TBC1D22A: variants seen among roughly 807,000 people sequenced by gnomAD.
The protein encoded by TBC1D22A is putative GTPase activator.
TBC1D22A carries 38 observed loss-of-function variants against 60.2 expected under a neutral mutation model. The observed-to-expected ratio is 0.63, with a 90% CI of 0.49 to 0.83. TBC1D22A has a LOEUF of 0.83. Among genes scored for constraint, TBC1D22A ranks in the 40% least tolerant of loss-of-function variants. The pLI, the probability that TBC1D22A is intolerant of heterozygous loss-of-function variation, is 0.00. For synonymous variants in TBC1D22A, 302 were observed against 281.7 expected, an observed-to-expected ratio of 1.07 and a Z score of -0.72; for missense variants, 628 against 701.0, an observed-to-expected ratio of 0.90 and a Z score of 1.18.
In TBC1D22A at chr22:46,893,613, C is replaced by T. The variant is rs115565359; in HGVS notation, c.838-1171C>T. On this transcript the variant is annotated intron_variant, in intron 6 of 12. Transcript: ENST00000337137. Reference sequence around the variant, plus strand: ...TGCTGGGGACAGATGTGTGTCCACACGAGTGTAACTGTATGGGAGAGCAAT... The same window carrying T: ...TGCTGGGGACAGATGTGTGTCCACATGAGTGTAACTGTATGGGAGAGCAAT... Among the ~76,000 whole-genome samples, 119 of 152,314 alleles carry T rather than the reference C, an allele frequency of 7.8e-4. 1 individual carries two copies. The highest frequency in any genetic ancestry group is 2.4e-3 in the African/African-American group (99 of 41,572).
intron 5 of TBC1D22A, among the ~76,000 whole-genome samples, chr22:46,890,723 G>A (rs919224863): frequency 6.6e-6 from 1 of 152,178 alleles, no homozygotes; most frequent in East Asian, 1.9e-4. Context: ...TCCCCTTTAT[G>A]TACTGAGACT....
At chr22:47,071,907 TG>T (rs771245066) in intron 11 of TBC1D22A, among the ~76,000 whole-genome samples, 3 of 152,226 alleles carry the variant, frequency 2.0e-5, no homozygotes, top group Non-Finnish European at 2.9e-5. Context: ...TGTGTTTGGC[TG>T]GGCTCAGTCA....
At chr22:47,164,017 A>C (rs2068096719) in intron 12 of TBC1D22A, among the ~76,000 whole-genome samples, 1 of 152,184 alleles carries the variant, frequency 6.6e-6, no homozygotes, top group South Asian at 2.1e-4. Context: ...CCTTGTACGA[A>C]GCAGCCATCA....
intron 4 of TBC1D22A, among the ~76,000 whole-genome samples, chr22:46,844,677 C>T (rs571190243): frequency 1.6e-4 from 25 of 152,306 alleles, no homozygotes; most frequent in Non-Finnish European, 3.1e-4. Context: ...ATGCTTCCAT[C>T]TGGGTCCCCC....
At chr22:46,843,943 G>C (rs900538383) in intron 4 of TBC1D22A, among the ~76,000 whole-genome samples, 2 of 151,896 alleles carry the variant, frequency 1.3e-5, no homozygotes, top group African/African-American at 4.8e-5. Flanking sequence ...GGCTGTGCTG[G>C]GGCCAGAAAG....
intron 8 of TBC1D22A, among the ~76,000 whole-genome samples, 153 bp from the exon 9 acceptor site, chr22:46,974,137 G>A (rs73186541): frequency 0.037 from 5,612 of 152,332 alleles, 139 homozygotes; most frequent in Middle Eastern, 0.15. Flanking sequence ...AAGTGATGAG[G>A]TGGAAGGCTG....
At chr22:47,131,600 C>A (rs2066680807) in intron 12 of TBC1D22A, among the ~76,000 whole-genome samples, 1 of 152,226 alleles carries the variant, frequency 6.6e-6, no homozygotes, top group African/African-American at 2.4e-5. Context: ...AGTAGATGGC[C>A]TCTGCCCATG....
intron 7 of TBC1D22A, among the ~76,000 whole-genome samples, chr22:46,901,929 T>G (rs907049223): frequency 8.3e-6 from 1 of 120,004 alleles, no homozygotes; most frequent in Non-Finnish European, 1.8e-5. Context: ...GTTTTAAAAT[T>G]TCTCAAATCA....
intron 11 of TBC1D22A, among the ~76,000 whole-genome samples, chr22:47,103,601 A>C (rs913003609): frequency 2.0e-5 from 3 of 152,192 alleles, no homozygotes; most frequent in Non-Finnish European, 4.4e-5. Flanking sequence ...TAGAAAGGGC[A>C]TCCTAGTTAC....
At chr22:47,077,925 C>T (rs576567221) in intron 11 of TBC1D22A, among the ~76,000 whole-genome samples, 1 of 152,210 alleles carries the variant, frequency 6.6e-6, no homozygotes, top group Non-Finnish European at 1.5e-5. Context: ...TACTCAGTAC[C>T]TCACGGTTTT....
intron 8 of TBC1D22A, among the ~76,000 whole-genome samples, chr22:46,967,172 G>A (rs912785098): frequency 6.6e-6 from 1 of 152,138 alleles, no homozygotes; most frequent in African/African-American, 2.4e-5. Flanking sequence ...TGAGTTGAAC[G>A]TTATCCATAT....
chr22:46,930,078 T>C (rs5769265), intron 8 of TBC1D22A, among the ~76,000 whole-genome samples: 119,465 of 151,950 alleles, frequency 0.79, 47,263 homozygotes, highest in African/African-American at 0.87. Context: ...ACCTGTATAT[T>C]GTCATAAGCT....
chr22:47,071,327 A>T (rs1238200079), intron 11 of TBC1D22A, among the ~76,000 whole-genome samples: 1 of 152,196 alleles, frequency 6.6e-6, no homozygotes, highest in African/African-American at 2.4e-5. Flanking sequence ...GGCCAAGGAA[A>T]AGAGGTTTTG....
chr22:47,168,326 G>A (rs1046888765), intron 12 of TBC1D22A, among the ~76,000 whole-genome samples: 14 of 148,972 alleles, frequency 9.4e-5, no homozygotes, highest in African/African-American at 3.3e-4. Flanking sequence ...GCCCAGCAAA[G>A]TGCTGTGGGC....
intron 11 of TBC1D22A, among the ~76,000 whole-genome samples, chr22:47,074,680 C>T (rs150162221): frequency 6.6e-6 from 1 of 152,224 alleles, no homozygotes. Flanking sequence ...GGAAGTGGCA[C>T]TGTCTGAATT....
At chr22:47,086,206 T>A (rs1300310382) in intron 11 of TBC1D22A, among the ~76,000 whole-genome samples, 1 of 152,208 alleles carries the variant, frequency 6.6e-6, no homozygotes, top group African/African-American at 2.4e-5. Flanking sequence ...GGCTCATGCC[T>A]GTAATCCCAG....
In TBC1D22A at chr22:47,164,025, T is replaced by C. The variant is rs1156415295; in HGVS notation, c.1426-9473T>C. 2.0e-5 allele frequency among the ~76,000 whole-genome samples: 3 copies of C among 152,338 alleles called. No homozygotes were observed. The East Asian group carries it at 5.8e-4, about 29-fold the overall frequency. On this transcript the variant is annotated intron_variant, in intron 12 of 12. Coordinates refer to ENST00000337137, the MANE Select transcript of TBC1D22A (RefSeq NM_014346.5). ...TGCTTTTCCTTGTACGAAGCAGCCA[T>C]CACCGCGCCAGGTAACAGAGCTGAG...
intron 4 of TBC1D22A, among the ~76,000 whole-genome samples, chr22:46,820,286 G>A (rs975725112): frequency 6.6e-6 from 1 of 152,056 alleles, no homozygotes; most frequent in African/African-American, 2.4e-5. Context: ...TTTTGGATTA[G>A]TTTGCTCTTG....
chr22:47,109,472 A>G (rs900717630), intron 11 of TBC1D22A, among the ~76,000 whole-genome samples: 4 of 152,136 alleles, frequency 2.6e-5, no homozygotes, highest in Non-Finnish European at 4.4e-5. Flanking sequence ...GTCTGGCCCC[A>G]GCTCGCTGGT....
Sources: gnomAD v4.1 joint callset for allele counts (sites outside exome capture counted in the v4.1 genomes callset) on GRCh38, gnomAD v4.1.1 for gene constraint, MANE v1.5 for transcripts, NCBI Gene and HGNC (gene_info 2026-07-23, HGNC 2026-07-21) for gene names.